The following FXR1 variants were observed in gnomAD, a reference collection of about 807,000 sequenced individuals.
FXR1 encodes the protein RNA-binding protein FXR1.
In FXR1, 15 loss-of-function variants were observed where a neutral mutation model predicts 84.0. The observed-to-expected ratio is 0.18, with a 90% confidence interval of 0.12 to 0.27. The LOEUF (loss-of-function observed/expected upper bound fraction) is 0.27, where lower values mean the gene tolerates loss of function less well. FXR1 is among the 10% of genes least tolerant of loss of function. FXR1 has a pLI of 1.00. For missense variants in FXR1, 480 were observed against 774.4 expected (o/e 0.62, Z 4.51); for synonymous variants, 245 against 250.7 (o/e 0.98, Z 0.21).
chr3:180,941,005 C>G (rs867677524), intron 3 of FXR1, among the ~76,000 whole-genome samples: 5 of 152,046 alleles, frequency 3.3e-5, no homozygotes, highest in Middle Eastern at 3.2e-3. Context: ...AGTTTTTGTT[C>G]TTGTGGCATA....
chr3:180,972,607 G>A (rs1713721258), intron 15 of FXR1, among the ~76,000 whole-genome samples: 1 of 152,168 alleles, frequency 6.6e-6, no homozygotes, highest in Non-Finnish European at 1.5e-5. Flanking sequence ...GATGTATGGT[G>A]GTTTATTACC....
chr3:180,959,598 T>A (rs1381113565), intron 10 of FXR1, among the ~76,000 whole-genome samples: 1 of 152,072 alleles, frequency 6.6e-6, no homozygotes, highest in Admixed American at 6.6e-5. Context: ...AATCCAGACC[T>A]GAAAACAGGC....
intron 14 of FXR1, among the ~76,000 whole-genome samples, chr3:180,969,327 T>C (rs1560022425): frequency 6.6e-6 from 1 of 152,246 alleles, no homozygotes; most frequent in Admixed American, 6.5e-5. Flanking sequence ...ATACGCTTAG[T>C]GTCTTTTGCA....
chr3:180,940,810 A>T (rs929166106), intron 3 of FXR1, among the ~76,000 whole-genome samples: 1 of 152,122 alleles, frequency 6.6e-6, no homozygotes, highest in East Asian at 1.9e-4. Context: ...TCCTGACCTC[A>T]GGTGATCCAC....
At chr3:180,956,087 A>C (rs1307037380) in intron 9 of FXR1, among the ~76,000 whole-genome samples, 1 of 152,216 alleles carries the variant, frequency 6.6e-6, no homozygotes, top group Non-Finnish European at 1.5e-5. Context: ...CAAATGAAAG[A>C]AAAAGAGAAC....
At chr3:180,914,186 T>G (rs1805583) in intron 1 of FXR1, among the ~76,000 whole-genome samples, 3,614 of 152,330 alleles carry the variant, frequency 0.024, 84 homozygotes, top group African/African-American at 0.062. Flanking sequence ...AGACTTGATG[T>G]CAGACCAATG....
intron 3 of FXR1, among the ~76,000 whole-genome samples, chr3:180,942,377 C>CAA (rs765066164): frequency 0.22 from 6,725 of 31,030 alleles, 1,627 homozygotes; most frequent in Middle Eastern, 0.29. Flanking sequence ...GACTCCGTCT[C>CAA]AAAAAAAAAA....
At chr3:180,927,894 G>T (rs1719419680) in intron 1 of FXR1, 1 of 366,562 alleles carries the variant, frequency 2.7e-6, no homozygotes, top group East Asian at 3.9e-5. Flanking sequence ...TTGAATTGGG[G>T]ATTTAACCCT....
chr3:180,962,151 CTG>C (rs1576987582), intron 11 of FXR1, among the ~76,000 whole-genome samples: 2 of 152,226 alleles, frequency 1.3e-5, no homozygotes, highest in East Asian at 3.9e-4. Context: ...TTTATTCCTG[CTG>C]TGTTTCTTTT....
chr3:180,930,428 A>G (rs1487286670), intron 1 of FXR1, among the ~76,000 whole-genome samples: 1 of 152,146 alleles, frequency 6.6e-6, no homozygotes, highest in Non-Finnish European at 1.5e-5. Context: ...GTGAGAGATT[A>G]TTATAAAGGT....
intron 5 of FXR1, 54 bp downstream of exon 5, chr3:180,948,549 G>C: frequency 7.5e-7 from 1 of 1,337,312 alleles, no homozygotes; most frequent in Non-Finnish European, 1.1e-6. Context: ...AGATTTTTCA[G>C]TCCTACAAAA....
chr3:180,968,917 A>C (rs530791419), intron 14 of FXR1, among the ~76,000 whole-genome samples: 1 of 152,322 alleles, frequency 6.6e-6, no homozygotes, highest in African/African-American at 2.4e-5. Flanking sequence ...TGCCAGGGAT[A>C]GATACATAGA....
intron 3 of FXR1, among the ~76,000 whole-genome samples, chr3:180,937,025 C>T (rs569899639): frequency 2.0e-5 from 3 of 152,190 alleles, no homozygotes; most frequent in African/African-American, 4.8e-5. Context: ...CTATATATGG[C>T]AGTGATGCTG....
intron 1 of FXR1, among the ~76,000 whole-genome samples, chr3:180,929,785 A>T (rs1719666281): frequency 6.6e-6 from 1 of 152,230 alleles, no homozygotes; most frequent in South Asian, 2.1e-4. Flanking sequence ...TCCTGTGTCA[A>T]GTGGACTAAA....
intron 9 of FXR1, among the ~76,000 whole-genome samples, chr3:180,954,809 T>A (rs1336908539): frequency 1.3e-5 from 2 of 151,840 alleles, no homozygotes. Context: ...CTACGGACAT[T>A]CTATTTGTTA....
chr3:180,924,425 G>C (rs1718933870), intron 1 of FXR1, among the ~76,000 whole-genome samples: 1 of 152,270 alleles, frequency 6.6e-6, no homozygotes, highest in African/African-American at 2.4e-5. Context: ...GGTTAAAAAA[G>C]ATTGTTTGCT....
chr3:180,967,702 C>T (rs1576997869), intron 13 of FXR1, among the ~76,000 whole-genome samples: 1 of 151,580 alleles, frequency 6.6e-6, no homozygotes, highest in African/African-American at 2.4e-5. Flanking sequence ...ATATTATCCC[C>T]TTTTGCTGAT....
chr3:180,957,966 C>T, intron 10 of FXR1, 38 bp downstream of exon 10: 1 of 933,966 alleles, frequency 1.1e-6, no homozygotes, highest in Non-Finnish European at 1.7e-6. Flanking sequence ...TTTAAAATGT[C>T]CTTTTTTTGG....
chr3:180,923,798 G>A (rs953968378), intron 1 of FXR1, among the ~76,000 whole-genome samples: 4 of 152,026 alleles, frequency 2.6e-5, no homozygotes, highest in Admixed American at 1.3e-4. Flanking sequence ...TGTTGCCCAG[G>A]CTGGCTGGCC....
Sources: gnomAD v4.1 joint callset for allele counts (sites outside exome capture counted in the v4.1 genomes callset) on GRCh38, gnomAD v4.1.1 for gene constraint, MANE v1.5 for transcripts, NCBI Gene and HGNC (gene_info 2026-07-23, HGNC 2026-07-21) for gene names.